SLA: variants seen among roughly 807,000 people sequenced by gnomAD.
The protein encoded by SLA is Src like adaptor, also known as src-like-adapter.
Under a neutral mutation model 30.3 loss-of-function variants are expected in SLA, and 16 were observed. That is an observed-to-expected ratio of 0.53 (90% CI 0.36 to 0.80). The LOEUF is 0.80. Ranked by LOEUF, SLA falls within the 30% of genes least tolerant of loss-of-function variation. The probability of loss-of-function intolerance (pLI) is 0.01; values close to 1 mark genes in which losing one functional copy is unlikely to be tolerated. For missense variants in SLA, 310 were observed against 345.2 expected, an observed-to-expected ratio of 0.90 and a Z score of 0.81; for synonymous variants, 143 against 137.8, an observed-to-expected ratio of 1.04 and a Z score of -0.26.
intron 2 of SLA, among the ~76,000 whole-genome samples, chr8:133,067,999 T>C (rs956265216): frequency 2.6e-5 from 4 of 151,952 alleles, no homozygotes; most frequent in Non-Finnish European, 5.9e-5. Context: ...ATACATAGAA[T>C]AGATGAAAGG....
At position 133,074,273 on chromosome 8, in the gene SLA, GCATA is replaced by G. The variant is rs1844527905; in HGVS notation, c.-41+576_-41+579del. ...TCTTCGGCATCTTCTTAAAGAAGAT[GCATA>G]CAATCACACTCCAAGTAGCGCTATT... On this transcript the variant is annotated intron_variant, in intron 2 of 8. Transcript: ENST00000338087. Among the ~76,000 whole-genome samples, 4 of 152,214 alleles carry G rather than the reference GCATA, an allele frequency of 2.6e-5. 1 individual carries two copies. In the South Asian group the frequency reaches 8.3e-4, roughly 32 times the overall value.
chr8:133,096,093 T>TAG (rs1303030575), intron 1 of SLA: 1 of 1,344,432 alleles, frequency 7.4e-7, no homozygotes, highest in Admixed American at 1.7e-5. Context: ...TTTTTCTCAG[T>TAG]AGAGTCATAG....
chr8:133,075,770 A>C (rs530640153), intron 1 of SLA, among the ~76,000 whole-genome samples: 1 of 152,248 alleles, frequency 6.6e-6, no homozygotes, highest in African/African-American at 2.4e-5. Context: ...AACCTAATAC[A>C]TCTACATCTA....
chr8:133,053,196 G>C (rs540815737), intron 3 of SLA, among the ~76,000 whole-genome samples: 12 of 152,122 alleles, frequency 7.9e-5, no homozygotes, highest in Non-Finnish European at 1.3e-4. Context: ...CCTTCCTGCT[G>C]TACTAATTCT....
At chr8:133,077,308 A>G (rs1442071834) in intron 1 of SLA, among the ~76,000 whole-genome samples, 2 of 152,180 alleles carry the variant, frequency 1.3e-5, no homozygotes, top group South Asian at 2.1e-4. Flanking sequence ...TCCCGTTCAC[A>G]GGAGAAGCTA....
rs555603838 is a variant in SLA, at chr8:133,060,033, C to T, written c.61+67G>A. On this transcript the variant is annotated intron_variant, in intron 3 of 8. Coordinates refer to ENST00000338087, the MANE Select transcript of SLA (RefSeq NM_001045556.3). ...TTAAGTAGTTACCGGCATCCACCAC[C>T]GCCCAGTCTTTACCACAGGCTCTTG... 33 of 1,477,778 alleles carry T rather than the reference C, an allele frequency of 2.2e-5. No individual in the cohort carries two copies. The African/African-American group carries it at 2.3e-4, about 10-fold the overall frequency. 91.5% of individuals were successfully genotyped at this position (1,477,778 alleles called of 1,614,324 possible).
In SLA at chr8:133,094,972, A is replaced by C. The variant is rs762764450; in HGVS notation, c.-319+7581T>G. 2,901 of 1,604,824 alleles carry C rather than the reference A, an allele frequency of 1.8e-3. 4 individuals are homozygous for C. Among genetic ancestry groups the C allele is most frequent in the South Asian group, 3.4e-3 (306 of 90,660 alleles). The stretch of plus-strand genomic sequence containing the variant: ...GAAGGATGCAGAACCCTGATGTGGC[A>C]CTGAGGACTCCAGGTGAGCAGGGGC... On this transcript the variant is annotated intron_variant, in intron 1 of 8. Coordinates refer to ENST00000338087, the MANE Select transcript of SLA (RefSeq NM_001045556.3).
At chr8:133,096,120 G>A (rs1427635836) in intron 1 of SLA, 3 of 1,501,328 alleles carry the variant, frequency 2.0e-6, no homozygotes, top group Non-Finnish European at 2.8e-6. Flanking sequence ...AACCAGTATT[G>A]GCATTCAGTA....
At chr8:133,093,051 G>T (rs1362586429) in intron 1 of SLA, among the ~76,000 whole-genome samples, 3 of 152,038 alleles carry the variant, frequency 2.0e-5, no homozygotes, top group Admixed American at 2.0e-4. Flanking sequence ...CTGCCTGTGG[G>T]CCCTTCTGCT....
intron 1 of SLA, among the ~76,000 whole-genome samples, chr8:133,076,961 T>C (rs563381661): frequency 6.6e-6 from 1 of 152,150 alleles, no homozygotes; most frequent in East Asian, 1.9e-4. Flanking sequence ...AGGAGTCCTA[T>C]GGGAAAGACT....
chr8:133,083,922 A>C (rs1846115451), intron 1 of SLA, among the ~76,000 whole-genome samples: 2 of 152,030 alleles, frequency 1.3e-5, no homozygotes, highest in Admixed American at 1.3e-4. Flanking sequence ...CTCTCTCTGC[A>C]TGGAGCCACC....
At chr8:133,081,424 G>T (rs1251962470) in intron 1 of SLA, among the ~76,000 whole-genome samples, 2 of 152,218 alleles carry the variant, frequency 1.3e-5, no homozygotes, top group African/African-American at 4.8e-5. Context: ...AGACCCTATT[G>T]TTTCTCTGGA....
At chr8:133,069,860 G>T (rs911224221) in intron 2 of SLA, among the ~76,000 whole-genome samples, 3 of 151,836 alleles carry the variant, frequency 2.0e-5, no homozygotes, top group African/African-American at 4.8e-5. Flanking sequence ...AAATCAGCTG[G>T]GCGTGGTGGC....
chr8:133,038,435 G>T lies in SLA; in HGVS notation c.*89C>A. On this transcript the variant is annotated 3_prime_UTR_variant, in exon 9 of 9. Coordinates refer to ENST00000338087, the MANE Select transcript of SLA (RefSeq NM_001045556.3). ...CTTCTAAAATACGTGAGGCTCCCAG[G>T]GATCAGGGAACCTCGCTTTTCGCAA... The T allele has an allele frequency of 9.9e-7, 1 of 1,007,132 alleles. No homozygotes were observed. The highest frequency in any genetic ancestry group is 1.6e-6 in the Non-Finnish European group (1 of 641,200). 62.4% of individuals were successfully genotyped at this position (1,007,132 alleles called of 1,614,324 possible).
intron 3 of SLA, among the ~76,000 whole-genome samples, chr8:133,053,296 C>T (rs1840767704): frequency 6.6e-6 from 1 of 152,212 alleles, no homozygotes; most frequent in African/African-American, 2.4e-5. Flanking sequence ...GCCCATCTGT[C>T]CCCACCCCCG....
intron 2 of SLA, among the ~76,000 whole-genome samples, chr8:133,062,468 A>G (rs1842503781): frequency 6.6e-6 from 1 of 152,248 alleles, no homozygotes; most frequent in African/African-American, 2.4e-5. Context: ...CTTCCTGGGC[A>G]TCTCCCCGGT....
chr8:133,084,320 C>T lies in SLA; in HGVS notation c.-318-9190G>A, dbSNP rs553516592. On this transcript the variant is annotated intron_variant, in intron 1 of 8. Transcript: ENST00000338087. ...GCAGAAAAAAATGACTAGAAAGAAG[C>T]AGTCAGGGTCTTTTACAAGTTATAA... 2.0e-5 allele frequency among the ~76,000 whole-genome samples: 3 copies of T among 152,266 alleles called. No individual in the cohort carries two copies. In the South Asian group the frequency reaches 6.2e-4, roughly 32 times the overall value.
intron 1 of SLA, chr8:133,076,670 G>A (rs570374699): frequency 6.0e-4 from 89 of 148,826 alleles, no homozygotes; most frequent in African/African-American, 2.2e-3. Context: ...AAAGAATCTA[G>A]TACAGATGAA....
Position 133,102,515 on chromosome 8 carries a change from C to T in SLA, c.-319+38G>A, listed in dbSNP as rs369000929. The T allele has an allele frequency of 6.3e-3, 9,799 of 1,549,560 alleles. 31 individuals carry two copies. The highest frequency in any genetic ancestry group is 7.2e-3 in the Non-Finnish European group (8,241 of 1,145,054). On this transcript the variant is annotated intron_variant, in intron 1 of 8. Transcript: ENST00000338087. Reference sequence around the variant, plus strand: ...ACCACCCCAGGCCACCTATGGCCCACCCAGGGGGTCCCAATGACAGCAAAG... The same window carrying T: ...ACCACCCCAGGCCACCTATGGCCCATCCAGGGGGTCCCAATGACAGCAAAG...
Sources: gnomAD v4.1 joint callset for allele counts (sites outside exome capture counted in the v4.1 genomes callset) on GRCh38, gnomAD v4.1.1 for gene constraint, MANE v1.5 for transcripts, NCBI Gene and HGNC (gene_info 2026-07-23, HGNC 2026-07-21) for gene names.